The following IL1RAPL2 variants were observed in gnomAD, a reference collection of about 807,000 sequenced individuals.
IL1RAPL2 encodes interleukin 1 receptor accessory protein like 2.
In IL1RAPL2, 3 loss-of-function variants were observed where a neutral mutation model predicts 44.1. The observed-to-expected ratio is 0.07, with a 90% CI of 0.03 to 0.18. The LOEUF (loss-of-function observed/expected upper bound fraction) is 0.18. Ranked by LOEUF, IL1RAPL2 falls within the 10% of genes least tolerant of loss-of-function variation. IL1RAPL2 has a pLI of 1.00. For missense variants in IL1RAPL2, 391 were observed against 496.4 expected (o/e 0.79, Z 2.02); for synonymous variants, 181 against 178.8 (o/e 1.01, Z -0.10).
chrX:104,722,709 A>G (rs1931705113), intron 2 of IL1RAPL2, among the ~76,000 whole-genome samples: 1 of 111,216 alleles, frequency 9.0e-6, no homozygotes, highest in Non-Finnish European at 1.9e-5. Flanking sequence ...CAGATCAAAT[A>G]TTTTCTCCAT....
intron 2 of IL1RAPL2, among the ~76,000 whole-genome samples, chrX:104,849,700 A>AC: frequency 9.0e-6 from 1 of 110,847 alleles, no homozygotes; most frequent in South Asian, 3.8e-4. Flanking sequence ...CTTGTCTAAA[A>AC]AGTAAACCCA....
At chrX:105,264,831 A>G (rs1418054142) in intron 4 of IL1RAPL2, among the ~76,000 whole-genome samples, 1 of 111,863 alleles carries the variant, frequency 8.9e-6, no homozygotes, top group Non-Finnish European at 1.9e-5. Context: ...CTTTTCATCT[A>G]CACTACATTG....
chrX:105,460,160 A>G (rs2036083738), intron 5 of IL1RAPL2, among the ~76,000 whole-genome samples: 1 of 111,128 alleles, frequency 9.0e-6, no homozygotes, highest in Non-Finnish European at 1.9e-5. Context: ...CTTCTTTCAT[A>G]ATAAATGGAC....
In IL1RAPL2 at chrX:104,587,381, G is replaced by T. The variant is rs781198256; in HGVS notation, c.-20+20330G>T. ...AGTCCTGGAACTGTGGCACAGGCAT[G>T]TGCATTCTAAGAAATCTCCTTGGGG... is the stretch of plus-strand genomic sequence containing the variant. On this transcript the variant is annotated intron_variant, in intron 1 of 10. Transcript: ENST00000372582. 1.7e-3 allele frequency among the ~76,000 whole-genome samples: 191 copies of T among 111,951 alleles called. 1 individual carries two copies. Among genetic ancestry groups the T allele is most frequent in the Non-Finnish European group, 3.1e-3 (165 of 53,170 alleles).
At chrX:104,799,771 G>A (rs2385607) in intron 2 of IL1RAPL2, among the ~76,000 whole-genome samples, 60,159 of 110,336 alleles carry the variant, frequency 0.55, 12,982 homozygotes, top group African/African-American at 0.81. Flanking sequence ...GAAAGATTCA[G>A]TCAAGCTAAT....
At chrX:104,759,932 T>C in intron 2 of IL1RAPL2, among the ~76,000 whole-genome samples, 1 of 111,825 alleles carries the variant, frequency 8.9e-6, no homozygotes, top group South Asian at 3.7e-4. Flanking sequence ...ATTAACCATC[T>C]CCACCTCCCT....
At chrX:105,299,459 T>C (rs1459476541) in intron 5 of IL1RAPL2, among the ~76,000 whole-genome samples, 1 of 111,155 alleles carries the variant, frequency 9.0e-6, no homozygotes, top group Non-Finnish European at 1.9e-5. Context: ...AGATCATTGA[T>C]TGGTCAAAGA....
intron 5 of IL1RAPL2, among the ~76,000 whole-genome samples, chrX:105,447,977 A>G (rs1398553846): frequency 9.8e-6 from 1 of 101,650 alleles, no homozygotes; most frequent in Non-Finnish European, 2.0e-5. Flanking sequence ...TTAAAAATAT[A>G]AATATATAAA....
At chrX:105,424,067 C>T (rs1465974882) in intron 5 of IL1RAPL2, among the ~76,000 whole-genome samples, 1 of 111,032 alleles carries the variant, frequency 9.0e-6, no homozygotes, top group Non-Finnish European at 1.9e-5. Flanking sequence ...ATTCAGAATC[C>T]CTTCATGGTT....
intron 2 of IL1RAPL2, among the ~76,000 whole-genome samples, chrX:105,093,050 T>C (rs923617264): frequency 2.4e-4 from 27 of 110,944 alleles, no homozygotes; most frequent in African/African-American, 8.9e-4. Context: ...AACCATAACA[T>C]AGGCCCATAC....
intron 3 of IL1RAPL2, chrX:105,219,956 A>G: frequency 8.4e-7 from 1 of 1,192,187 alleles, no homozygotes; most frequent in East Asian, 3.0e-5. Context: ...AGCGGCTTCC[A>G]ACTCACCTTG....
intron 2 of IL1RAPL2, among the ~76,000 whole-genome samples, chrX:104,962,411 G>A (rs1569352095): frequency 9.0e-6 from 1 of 111,329 alleles, no homozygotes; most frequent in Non-Finnish European, 1.9e-5. Context: ...AAATCTTAAG[G>A]AGAGTCACTC....
intron 2 of IL1RAPL2, among the ~76,000 whole-genome samples, chrX:104,997,858 G>A (rs1207811289): frequency 9.0e-6 from 1 of 111,570 alleles, no homozygotes; most frequent in Non-Finnish European, 1.9e-5. Flanking sequence ...GTTCTGTTTT[G>A]GAGATATTGA....
chrX:105,717,080 A>ACTGC (rs1362989427), intron 6 of IL1RAPL2, among the ~76,000 whole-genome samples: 1 of 111,865 alleles, frequency 8.9e-6, no homozygotes, highest in Non-Finnish European at 1.9e-5. Context: ...TGGTTGTGCC[A>ACTGC]CTGCACTCCA....
chrX:105,575,477 T>C (rs2037043809), intron 6 of IL1RAPL2, among the ~76,000 whole-genome samples: 2 of 112,212 alleles, frequency 1.8e-5, no homozygotes, highest in South Asian at 7.3e-4. Flanking sequence ...TCCAGCTCTG[T>C]CCATGCTCCC....
At chrX:105,225,003 G>A (rs2147630210) in intron 3 of IL1RAPL2, among the ~76,000 whole-genome samples, 1 of 111,706 alleles carries the variant, frequency 9.0e-6, no homozygotes, top group South Asian at 3.8e-4. Context: ...GGTGGTGTCA[G>A]GGAACCTTTC....
At chrX:105,540,820 ATATAT>A (rs1187324734) in intron 6 of IL1RAPL2, among the ~76,000 whole-genome samples, 20 of 99,100 alleles carry the variant, frequency 2.0e-4, no homozygotes, top group African/African-American at 4.5e-4. Context: ...TAATATATAC[ATATAT>A]TATATATGAT....
rs377385907 is a variant in IL1RAPL2, at chrX:105,317,280, T to A, written c.697+49739T>A. Reference sequence around the variant, plus strand: ...GAATTCCTCTATAAAGTATAGTCACTAATACTTCACACTGGTTTTTGATGA... The same window carrying A: ...GAATTCCTCTATAAAGTATAGTCACAAATACTTCACACTGGTTTTTGATGA... On this transcript the variant is annotated intron_variant, in intron 5 of 10. Coordinates refer to ENST00000372582, the MANE Select transcript of IL1RAPL2 (RefSeq NM_017416.2). 4.5e-5 allele frequency among the ~76,000 whole-genome samples: 5 copies of A among 112,216 alleles called. No homozygotes were observed. In the South Asian group the frequency reaches 1.1e-3, roughly 25 times the overall value.
intron 3 of IL1RAPL2, among the ~76,000 whole-genome samples, chrX:105,214,977 T>C (rs1028796804): frequency 1.8e-5 from 2 of 112,352 alleles, no homozygotes; most frequent in Non-Finnish European, 3.8e-5. Context: ...AAGAGGGAAA[T>C]GTATAGCACT....
Sources: gnomAD v4.1 joint callset for allele counts (sites outside exome capture counted in the v4.1 genomes callset) on GRCh38, gnomAD v4.1.1 for gene constraint, MANE v1.5 for transcripts, NCBI Gene and HGNC (gene_info 2026-07-23, HGNC 2026-07-21) for gene names.